Variants in CXCL13 observed in about 807,000 individuals in gnomAD.
The protein encoded by CXCL13 is C-X-C motif chemokine 13.
In CXCL13, 7 loss-of-function variants were observed where a neutral mutation model predicts 12.2. The ratio of observed to expected loss-of-function variants is 0.57; its 90% confidence interval spans 0.33 to 1.07. The LOEUF (loss-of-function observed/expected upper bound fraction) is 1.07, where lower values mean the gene tolerates loss of function less well. CXCL13 is among the 50% of genes least tolerant of loss of function. CXCL13 has a pLI of 0.04. For missense variants in CXCL13, 113 were observed against 127.4 expected, an observed-to-expected ratio of 0.89 and a Z score of 0.55; for synonymous variants, 47 against 42.4, an observed-to-expected ratio of 1.11 and a Z score of -0.42.
chr4:77,550,386 C>A (rs1279078564), intron 1 of CXCL13, among the ~76,000 whole-genome samples: 2 of 152,222 alleles, frequency 1.3e-5, no homozygotes, highest in Non-Finnish European at 2.9e-5. Context: ...AACCCAGTAT[C>A]CCAGTTGGAA....
chr4:77,520,393 A>G (rs557471643), intron 1 of CXCL13, among the ~76,000 whole-genome samples: 1 of 152,160 alleles, frequency 6.6e-6, no homozygotes, highest in Non-Finnish European at 1.5e-5. Flanking sequence ...TATTTCCTTG[A>G]GCAGTGGTTT....
chr4:77,533,228 G>A (rs1054002873), intron 1 of CXCL13, among the ~76,000 whole-genome samples: 7 of 152,094 alleles, frequency 4.6e-5, no homozygotes, highest in African/African-American at 1.7e-4. Flanking sequence ...GATGTCCTTT[G>A]TGTTTGTTAG....
Position 77,611,015 on chromosome 4 carries a change from A to G in CXCL13, c.306A>G (p.Pro102=), listed in dbSNP as rs2109839975. Reference sequence around the variant, plus strand: ...GAAGTTCTTCAACTCTACCAGTTCCAGTGTTTAAGAGAAAGATTCCCTGAT... The same window carrying G: ...GAAGTTCTTCAACTCTACCAGTTCCGGTGTTTAAGAGAAAGATTCCCTGAT... ...RKRSSSTLPV[P]VFKRKIP The change falls in exon 4 of 4, where the codon CCA becomes CCG. Residue 102 remains proline (P), a synonymous_variant. Transcript: ENST00000682537. 6.2e-7 allele frequency: 1 copy of G among 1,611,486 alleles called. No homozygotes were observed. Among genetic ancestry groups the G allele is most frequent in the Non-Finnish European group, 8.5e-7 (1 of 1,179,620 alleles).
chr4:77,557,763 C>T (rs2109810640), intron 1 of CXCL13, among the ~76,000 whole-genome samples: 1 of 152,312 alleles, frequency 6.6e-6, no homozygotes, highest in South Asian at 2.1e-4. Context: ...CACTGAACTT[C>T]TTACTGATGC....
At chr4:77,592,602 A>G (rs1281817993) in intron 1 of CXCL13, among the ~76,000 whole-genome samples, 2 of 150,624 alleles carry the variant, frequency 1.3e-5, no homozygotes, top group East Asian at 3.9e-4. Flanking sequence ...GTTTGTCAAT[A>G]TATAATGAAA....
At chr4:77,553,819 A>AT (rs902580258) in intron 1 of CXCL13, among the ~76,000 whole-genome samples, 1 of 151,928 alleles carries the variant, frequency 6.6e-6, no homozygotes, top group African/African-American at 2.4e-5. Context: ...GAAAAAATAA[A>AT]TTTTTTTTTA....
At chr4:77,556,065 T>A (rs1458558238) in intron 1 of CXCL13, among the ~76,000 whole-genome samples, 1 of 152,210 alleles carries the variant, frequency 6.6e-6, no homozygotes, top group Non-Finnish European at 1.5e-5. Flanking sequence ...CTTACTTATT[T>A]ACACTGCCAT....
intron 1 of CXCL13, among the ~76,000 whole-genome samples, chr4:77,593,836 A>G (rs1403035323): frequency 3.9e-5 from 6 of 152,208 alleles, no homozygotes; most frequent in Non-Finnish European, 7.3e-5. Context: ...CAACCAGTCG[A>G]GGAGAGGTGA....
At chr4:77,560,104 C>A (rs894204850) in intron 1 of CXCL13, among the ~76,000 whole-genome samples, 1 of 151,728 alleles carries the variant, frequency 6.6e-6, no homozygotes, top group Non-Finnish European at 1.5e-5. Context: ...TATGTTAATA[C>A]TTACTATTTA....
chr4:77,532,622 A>T (rs1275775081), intron 1 of CXCL13, among the ~76,000 whole-genome samples: 1 of 152,146 alleles, frequency 6.6e-6, no homozygotes, highest in Non-Finnish European at 1.5e-5. Flanking sequence ...ATTCTCCTGG[A>T]TAATATCCTG....
intron 1 of CXCL13, among the ~76,000 whole-genome samples, chr4:77,548,154 A>G (rs112212646): frequency 0.043 from 6,596 of 152,306 alleles, 199 homozygotes; most frequent in Middle Eastern, 0.068. Context: ...TTGCACTTGG[A>G]TGAAATATGC....
chr4:77,579,014 C>T (rs1465447060), intron 1 of CXCL13, among the ~76,000 whole-genome samples: 1 of 152,174 alleles, frequency 6.6e-6, no homozygotes, highest in Non-Finnish European at 1.5e-5. Flanking sequence ...TTTCTTTGAT[C>T]CTGCCCCAGC....
At chr4:77,559,941 C>A (rs1056956514) in intron 1 of CXCL13, among the ~76,000 whole-genome samples, 7 of 126,812 alleles carry the variant, frequency 5.5e-5, no homozygotes, top group African/African-American at 1.4e-4. Flanking sequence ...AAAAAAAAAA[C>A]CTGACGCTCA....
chr4:77,583,048 C>T (rs1362029112), intron 1 of CXCL13, among the ~76,000 whole-genome samples: 1 of 152,172 alleles, frequency 6.6e-6, no homozygotes, highest in Non-Finnish European at 1.5e-5. Context: ...GCAACAAAGC[C>T]TTGAAATGCT....
At chr4:77,602,024 T>C (rs1726889338), upstream of CXCL13, among the ~76,000 whole-genome samples, 1 of 152,222 alleles carries the variant, frequency 6.6e-6, no homozygotes, top group South Asian at 2.1e-4. Flanking sequence ...TAAGTTTCTG[T>C]TTTCTAGTTG....
chr4:77,543,524 G>T (rs1005233721), intron 1 of CXCL13, among the ~76,000 whole-genome samples: 1 of 151,950 alleles, frequency 6.6e-6, no homozygotes, highest in African/African-American at 2.4e-5. Context: ...CATTGCTTTT[G>T]CTGTATCCCA....
At chr4:77,519,295 C>G (rs745704619) in intron 1 of CXCL13, among the ~76,000 whole-genome samples, 18 of 152,222 alleles carry the variant, frequency 1.2e-4, no homozygotes, top group Non-Finnish European at 1.0e-4. Context: ...CAGCTGCGTG[C>G]TGGGAGAACC....
intron 1 of CXCL13, among the ~76,000 whole-genome samples, chr4:77,532,091 G>A (rs1724942404): frequency 6.6e-6 from 1 of 152,178 alleles, no homozygotes; most frequent in Non-Finnish European, 1.5e-5. Context: ...CTATCATTAT[G>A]ATGTTAGCTG....
At chr4:77,568,040 C>A (rs1401167284) in intron 1 of CXCL13, among the ~76,000 whole-genome samples, 1 of 152,136 alleles carries the variant, frequency 6.6e-6, no homozygotes, top group Non-Finnish European at 1.5e-5. Flanking sequence ...TTCATGAAGC[C>A]AATAACCCCA....
Sources: allele counts gnomAD v4.1 joint callset (sites outside exome capture counted in the v4.1 genomes callset), GRCh38; gene constraint gnomAD v4.1.1; transcripts MANE v1.5; gene names NCBI Gene and HGNC (gene_info 2026-07-23, HGNC 2026-07-21).